MAST4: variants seen among roughly 807,000 people sequenced by gnomAD.
MAST4 encodes microtubule-associated serine/threonine-protein kinase 4.
A neutral mutation model predicts 162.7 loss-of-function variants in MAST4; 89 were observed. The ratio of observed to expected loss-of-function variants is 0.55; its 90% CI spans 0.46 to 0.65. The LOEUF is 0.65. Ranked by LOEUF, MAST4 falls within the 30% of genes least tolerant of loss-of-function variation. MAST4 has a pLI of 0.00. For missense variants in MAST4, 3,153 were observed against 3,374.0 expected (o/e 0.93, Z 1.62); for synonymous variants, 1,479 against 1,361.1 (o/e 1.09, Z -1.91).
intron 1 of MAST4, among the ~76,000 whole-genome samples, chr5:66,695,159 A>G (rs1309340194): frequency 6.6e-6 from 1 of 152,098 alleles, no homozygotes; most frequent in Non-Finnish European, 1.5e-5. Flanking sequence ...TGCATTTTAC[A>G]TTTAAGTCTG....
At chr5:67,128,845 G>GGCTGTTCAGGTAAATGATTTCTTT (rs1302901823) in intron 14 of MAST4, among the ~76,000 whole-genome samples, 1 of 152,106 alleles carries the variant, frequency 6.6e-6, no homozygotes, top group Non-Finnish European at 1.5e-5. Context: ...TGTGATTGAT[G>GGCTGTTCAGGTAAATGATTTCTTT]GCTGTTCAGG....
intron 1 of MAST4, among the ~76,000 whole-genome samples, chr5:66,673,688 G>A (rs974313127): frequency 1.3e-5 from 2 of 151,968 alleles, no homozygotes; most frequent in African/African-American, 2.4e-5. Flanking sequence ...TAGAGACGAG[G>A]TTTCACCGTG....
intron 1 of MAST4, chr5:66,662,730 A>G (rs565148080): frequency 1.3e-4 from 20 of 152,378 alleles, no homozygotes; most frequent in African/African-American, 4.6e-4. Flanking sequence ...AGGAGACTGT[A>G]GATTATTAGC....
intron 1 of MAST4, among the ~76,000 whole-genome samples, chr5:66,705,429 A>G (rs1419209300): frequency 6.6e-6 from 1 of 151,204 alleles, no homozygotes; most frequent in African/African-American, 2.4e-5. Flanking sequence ...AACAAAAGAT[A>G]TAAATGATAA....
chr5:67,166,168 C>A lies in MAST4; in HGVS notation c.6989C>A (p.Ser2330Tyr). The change falls in exon 29 of 29, where the codon TCT (serine) becomes TAT (tyrosine). Residue 2330 changes from serine (S) to tyrosine (Y), a missense_variant. This residue lies in a region of MAST4 where 1,644 missense variants were observed against 1,495.0 expected (regional missense o/e 1.10). Coordinates refer to ENST00000403625, the MANE Select transcript of MAST4 (RefSeq NM_001164664.2). The stretch of plus-strand genomic sequence containing the variant: ...GCTGTTGGTGAAAAGCAAACCCTGT[C>A]TCCAAAGCACCCCAAACCATCCACT... The part of the protein sequence containing the change: ...LSAVGEKQTL[S>Y]PKHPKPSTVK... The A allele has an allele frequency of 6.4e-7, 1 of 1,559,450 alleles. No homozygotes were observed. Among genetic ancestry groups the A allele is most frequent in the Non-Finnish European group, 8.7e-7 (1 of 1,151,270 alleles).
chr5:67,160,686 A>G (rs912526853), intron 27 of MAST4, 94 bp downstream of exon 27: 18 of 1,382,890 alleles, frequency 1.3e-5, no homozygotes, highest in African/African-American at 4.3e-5. Context: ...AAGAAGATCT[A>G]TTTTTCTGTG....
At chr5:67,005,149 G>T (rs777146499) in intron 4 of MAST4, 2 of 719,134 alleles carry the variant, frequency 2.8e-6, no homozygotes, top group Non-Finnish European at 5.2e-6. Context: ...CCCACAGGCG[G>T]AGCTGCCTGA....
intron 4 of MAST4, among the ~76,000 whole-genome samples, chr5:66,907,155 A>AAGAGAG (rs1763405694): frequency 3.6e-5 from 4 of 112,030 alleles, no homozygotes; most frequent in Non-Finnish European, 3.7e-5. Context: ...ACTCTCAGCA[A>AAGAGAG]AGCGAGAGAG....
intron 1 of MAST4, among the ~76,000 whole-genome samples, chr5:66,715,029 C>G (rs1001075031): frequency 1.3e-5 from 2 of 152,190 alleles, no homozygotes; most frequent in African/African-American, 4.8e-5. Flanking sequence ...TGATGACTTT[C>G]CAAGAGGCAC....
chr5:66,743,484 A>G (rs1441438140), intron 1 of MAST4, among the ~76,000 whole-genome samples: 2 of 152,174 alleles, frequency 1.3e-5, no homozygotes, highest in Non-Finnish European at 2.9e-5. Flanking sequence ...CCTCCCACAG[A>G]GGTGGGGCGG....
rs1170147382 is a variant in MAST4, at chr5:67,163,780, C to T, written c.4601C>T (p.Ala1534Val). ...GACCTGGACCGCGACAAGCTGAAGG[C>T]CAAGGTGGTGGTGAAGAAAGCAGAC... ...VDDLDRDKLK[A>V]KVVVKKADGF... is the part of the protein sequence containing the mutation. Residue 1534 changes from alanine (A) to valine (V), a missense_variant, in exon 29 of 29, where the codon GCC becomes GTC. Transcript: ENST00000403625. The surrounding 1 kb of genome is among the most constrained non-coding windows in gnomAD (Gnocchi z 7.0). The T allele has an allele frequency of 6.2e-7, 1 of 1,611,368 alleles. No homozygotes were observed.
intron 23 of MAST4, among the ~76,000 whole-genome samples, chr5:67,145,928 A>T (rs1771026828): frequency 6.6e-6 from 1 of 152,144 alleles, no homozygotes; most frequent in Admixed American, 6.5e-5. Flanking sequence ...TTCTCTCTCC[A>T]CACTAGACTC....
chr5:66,668,824 A>G (rs1032558717), intron 1 of MAST4, among the ~76,000 whole-genome samples: 2 of 152,194 alleles, frequency 1.3e-5, no homozygotes, highest in African/African-American at 4.8e-5. Context: ...GGGAAGCCAG[A>G]GGTGGGAGGA....
intron 3 of MAST4, among the ~76,000 whole-genome samples, chr5:66,882,777 G>A (rs1194893735): frequency 6.6e-6 from 1 of 152,018 alleles, no homozygotes; most frequent in South Asian, 2.1e-4. Flanking sequence ...CTCAAGCAGG[G>A]AGCAGAATGA....
At chr5:66,951,598 A>ATGTGTGTGTGTGTGTGTGTG (rs59043309) in intron 4 of MAST4, among the ~76,000 whole-genome samples, 1 of 122,340 alleles carries the variant, frequency 8.2e-6, no homozygotes, top group Non-Finnish European at 1.7e-5. Context: ...CTCCCATGAT[A>ATGTGTGTGTGTGTGTGTGTG]TGTGTGTGTG....
At chr5:66,909,972 CATGTGGACCT>C (rs1763640012) in intron 4 of MAST4, among the ~76,000 whole-genome samples, 2 of 152,208 alleles carry the variant, frequency 1.3e-5, no homozygotes, top group African/African-American at 2.4e-5. Context: ...ACTCTCGAGC[CATGTGGACCT>C]ATGAGTCTAT....
At chr5:67,127,620 A>G (rs1365910539) in intron 14 of MAST4, among the ~76,000 whole-genome samples, 1 of 152,108 alleles carries the variant, frequency 6.6e-6, no homozygotes, top group East Asian at 1.9e-4. Flanking sequence ...CAACATTTGT[A>G]TATCAGTGCT....
At chr5:66,776,029 G>A (rs1754584783) in intron 2 of MAST4, among the ~76,000 whole-genome samples, 1 of 152,214 alleles carries the variant, frequency 6.6e-6, no homozygotes, top group Non-Finnish European at 1.5e-5. Flanking sequence ...AGAAATAGAT[G>A]TGATTACATG....
intron 4 of MAST4, among the ~76,000 whole-genome samples, chr5:66,906,022 C>G (rs747417390): frequency 3.9e-5 from 6 of 152,136 alleles, no homozygotes; most frequent in Non-Finnish European, 5.9e-5. Context: ...CCACAAGAGA[C>G]AGATTTGCAG....
Sources: allele counts gnomAD v4.1 joint callset (sites outside exome capture counted in the v4.1 genomes callset), GRCh38; gene constraint gnomAD v4.1.1; regional missense constraint gnomAD v4.1.1; non-coding constraint Gnocchi (gnomAD v3.1); transcripts MANE v1.5; gene names NCBI Gene and HGNC (gene_info 2026-07-23, HGNC 2026-07-21).